Variants in ERP29 observed in about 807,000 individuals in gnomAD.
The protein encoded by ERP29 is endoplasmic reticulum resident protein 29.
A neutral mutation model predicts 21.7 loss-of-function variants in ERP29; 14 were observed. That is an observed-to-expected ratio of 0.64 (90% CI 0.43 to 1.01). The LOEUF (loss-of-function observed/expected upper bound fraction) is 1.01, where lower values mean the gene tolerates loss of function less well. Among genes scored for constraint, ERP29 ranks in the 50% least tolerant of loss-of-function variants. The pLI is 0.00. For missense variants in ERP29, 286 were observed against 327.3 expected, an observed-to-expected ratio of 0.87 and a Z score of 0.97; for synonymous variants, 129 against 139.1, an observed-to-expected ratio of 0.93 and a Z score of 0.51.
In ERP29 at chr12:112,023,350, T is replaced by C. The variant is rs935727895; in HGVS notation, c.*698T>C. The C allele has an allele frequency of 1.1e-4, 17 of 152,356 alleles. No homozygotes were observed. Among genetic ancestry groups the C allele is most frequent in the Admixed American group, 1.1e-3 (17 of 15,304 alleles). The allele number at this position is 152,356 out of a possible 1,614,324, so 9.4% of individuals were successfully genotyped here. A position where few individuals can be genotyped will look rare whatever the true frequency, so the allele number is the denominator to read the frequency against. On this transcript the variant is annotated 3_prime_UTR_variant, in exon 3 of 3. Coordinates refer to ENST00000261735, the MANE Select transcript of ERP29 (RefSeq NM_006817.4). Reference sequence around the variant, plus strand: ...CTTGGATTTACACAGCTAAATGATATAGTCCGATTTCAAAATTAAAAAATA... The same window carrying C: ...CTTGGATTTACACAGCTAAATGATACAGTCCGATTTCAAAATTAAAAAATA...
intron 2 of ERP29, 100 bp from the exon 3 acceptor site, chr12:112,022,050 A>G: frequency 8.0e-7 from 1 of 1,255,236 alleles, no homozygotes; most frequent in Non-Finnish European, 1.1e-6. Flanking sequence ...TTACACGGCC[A>G]AGAAAATTCT....
intron 1 of ERP29, among the ~76,000 whole-genome samples, chr12:112,017,325 G>A (rs2078017503): frequency 6.6e-6 from 1 of 152,180 alleles, no homozygotes. Flanking sequence ...ATTTCAGAGA[G>A]TGAGTAATGC....
chr12:112,019,389 C>T (rs543882931), intron 1 of ERP29: 10 of 288,330 alleles, frequency 3.5e-5, no homozygotes, highest in East Asian at 1.7e-4. Context: ...GGGTTTACTG[C>T]GAAAGGCCTC....
chr12:112,020,521 T>C (rs2078039308), intron 2 of ERP29, among the ~76,000 whole-genome samples: 1 of 152,146 alleles, frequency 6.6e-6, no homozygotes, highest in South Asian at 2.1e-4. Context: ...CTGTGGGTGA[T>C]AGAGTGGCTC....
chr12:112,022,911 G>A lies in ERP29; in HGVS notation c.*259G>A, dbSNP rs2078060037. ...TCAGAAGGAATGAGTGCTATAGAGA[G>A]GAGAGAGGAGTGTACTGCCCAGGTC... On this transcript the variant is annotated 3_prime_UTR_variant, in exon 3 of 3. Coordinates refer to ENST00000261735, the MANE Select transcript of ERP29 (RefSeq NM_006817.4). The A allele has an allele frequency of 3.0e-5, 14 of 473,306 alleles. No individual in the cohort carries two copies. The South Asian group carries it at 4.6e-4, about 16-fold the overall frequency. The allele number at this position is 473,306 out of a possible 1,614,324, so 29.3% of individuals were successfully genotyped here.
intron 1 of ERP29, among the ~76,000 whole-genome samples, chr12:112,016,876 C>T (rs1388009074): frequency 6.6e-6 from 1 of 151,704 alleles, no homozygotes; most frequent in Non-Finnish European, 1.5e-5. Context: ...GGCAACAGAG[C>T]GAGACCCTGC....
chr12:112,019,328 G>C (rs1021496648), intron 1 of ERP29: 1 of 257,834 alleles, frequency 3.9e-6, no homozygotes, highest in African/African-American at 2.2e-5. Context: ...CCTCCATGAT[G>C]CCAACTCCTT....
intron 1 of ERP29, among the ~76,000 whole-genome samples, chr12:112,013,986 T>C (rs1263296437): frequency 6.6e-6 from 1 of 152,182 alleles, no homozygotes; most frequent in Non-Finnish European, 1.5e-5. Context: ...GCCACCGGGC[T>C]CCCGGCTGTG....
Position 112,019,759 on chromosome 12 carries a change from A to G in ERP29, c.148A>G (p.Ile50Val). ...GCTCAGCTCTATACGCCCTCAGGTC[A>G]TTCCCAAAAGCAAGTTCGTCTTGGT... ...PLDTVTFYKVIPKSKFVLVKF... is the reference protein window; with the variant it reads ...PLDTVTFYKVVPKSKFVLVKF... Residue 50 changes from isoleucine to valine, a missense_variant, in exon 2 of 3, where the codon ATT (isoleucine) becomes GTT (valine). By Grantham distance (29) the Ile-to-Val change is conservative (BLOSUM62 3). Coordinates refer to ENST00000261735, the MANE Select transcript of ERP29 (RefSeq NM_006817.4). The G allele has an allele frequency of 6.2e-7, 1 of 1,614,106 alleles. No homozygotes were observed.
In ERP29 at chr12:112,022,191, A is replaced by T; in HGVS notation, c.325A>T (p.Lys109Ter). 6.2e-7 allele frequency: 1 copy of T among 1,614,194 alleles called. No individual in the cohort carries two copies. Among genetic ancestry groups the T allele is most frequent in the Non-Finnish European group, 8.5e-7 (1 of 1,180,020 alleles). ...GAACATGGAGCTGAGTGAGAAATAC[A>T]AGCTGGACAAAGAGAGCTACCCAGT... Reference protein sequence around the residue: ...KLNMELSEKYKLDKESYPVFY... With the variant: ...KLNMELSEKY Residue 109 changes from lysine (K) to a stop codon, truncating the protein, a stop_gained, in exon 3 of 3, where the codon AAG (lysine) becomes TAG (stop). Transcript: ENST00000261735. LOFTEE classifies it high-confidence loss of function.
rs763462398 is a variant in ERP29 at position 112,019,731 on chromosome 12, C to G, written c.145-25C>G. On this transcript the variant is annotated intron_variant, in intron 1 of 2. Transcript: ENST00000261735. ...GCCCCAAAAGTCCCTGGAACACCCA[C>G]TTGCTCAGCTCTATACGCCCTCAGG... 3 of 1,614,082 alleles carry G rather than the reference C, an allele frequency of 1.9e-6. No homozygotes were observed. The South Asian group carries it at 3.3e-5, about 18-fold the overall frequency.
intron 1 of ERP29, among the ~76,000 whole-genome samples, chr12:112,016,726 TA>T (rs2078014767): frequency 6.6e-6 from 1 of 152,048 alleles, no homozygotes; most frequent in African/African-American, 2.4e-5. Context: ...CTGTCTCTAC[TA>T]AAAATACAAA....
chr12:112,020,986 C>A (rs74438595), intron 2 of ERP29, among the ~76,000 whole-genome samples: 1 of 152,168 alleles, frequency 6.6e-6, no homozygotes, highest in Admixed American at 6.5e-5. Context: ...TGGTCTTAGC[C>A]GTTTCTCGGC....
chr12:112,015,819 A>C (rs1029868447), intron 1 of ERP29, among the ~76,000 whole-genome samples: 1 of 152,110 alleles, frequency 6.6e-6, no homozygotes. Context: ...CTCATCTCCC[A>C]ACCATTCTCC....
chr12:112,022,082 G>T, intron 2 of ERP29, 68 bp from the exon 3 acceptor site: 1 of 1,527,876 alleles, frequency 6.5e-7, no homozygotes. Context: ...GTTCAGCTAG[G>T]TCCCATAGCA....
At chr12:112,021,020 C>T (rs553613590) in intron 2 of ERP29, among the ~76,000 whole-genome samples, 1 of 152,338 alleles carries the variant, frequency 6.6e-6, no homozygotes, top group South Asian at 2.1e-4. Context: ...CCAGTTGTCA[C>T]AGCATCAGTC....
At chr12:112,016,428 G>T (rs2078012941) in intron 1 of ERP29, among the ~76,000 whole-genome samples, 2 of 152,252 alleles carry the variant, frequency 1.3e-5, no homozygotes, top group South Asian at 4.2e-4. Flanking sequence ...GTTCCCTGCT[G>T]TGTTCACTTA....
intron 1 of ERP29, among the ~76,000 whole-genome samples, chr12:112,016,324 G>A (rs1231411375): frequency 6.6e-6 from 1 of 152,154 alleles, no homozygotes; most frequent in African/African-American, 2.4e-5. Flanking sequence ...TCCATGCTTT[G>A]CCTTTCAGTG....
At chr12:112,018,728 T>C (rs528574393) in intron 1 of ERP29, 1 of 152,392 alleles carries the variant, frequency 6.6e-6, no homozygotes, top group South Asian at 2.1e-4. Flanking sequence ...ATAGCAGCAC[T>C]ATTGACAGTA....
Sources: allele counts gnomAD v4.1 joint callset (sites outside exome capture counted in the v4.1 genomes callset), GRCh38; gene constraint gnomAD v4.1.1; transcripts MANE v1.5; gene names NCBI Gene and HGNC (gene_info 2026-07-23, HGNC 2026-07-21).